Variants in DNAAF4 observed in about 807,000 individuals in gnomAD.
The protein encoded by DNAAF4 is dynein assembly factor 4, axonemal.
Under a neutral mutation model 51.8 loss-of-function variants are expected in DNAAF4, and 43 were observed. That is an observed-to-expected ratio of 0.83 (90% CI 0.65 to 1.07). The LOEUF is 1.07. Ranked by LOEUF, DNAAF4 falls within the 50% of genes least tolerant of loss-of-function variation. DNAAF4 has a pLI of 0.00. For missense variants in DNAAF4, 581 were observed against 493.0 expected, an observed-to-expected ratio of 1.18 and a Z score of -1.69; for synonymous variants, 194 against 165.6, an observed-to-expected ratio of 1.17 and a Z score of -1.32.
chr15:55,470,693 C>T (rs1737992075), intron 4 of DNAAF4, among the ~76,000 whole-genome samples: 1 of 147,004 alleles, frequency 6.8e-6, no homozygotes, highest in African/African-American at 2.5e-5. Flanking sequence ...GCACATGCCA[C>T]CAAGCCTGAC....
At chr15:55,458,144 A>AAAAG (rs1484007456) in intron 5 of DNAAF4, among the ~76,000 whole-genome samples, 1 of 152,338 alleles carries the variant, frequency 6.6e-6, no homozygotes, top group East Asian at 1.9e-4. Context: ...TAACACCCCC[A>AAAAG]AAAGATCATA....
At chr15:55,483,802 A>C (rs2058444851) in intron 4 of DNAAF4, among the ~76,000 whole-genome samples, 1 of 130,664 alleles carries the variant, frequency 7.7e-6, no homozygotes, top group Non-Finnish European at 1.5e-5. Context: ...CTGGGATTAC[A>C]GGCATGAGCC....
intron 6 of DNAAF4, among the ~76,000 whole-genome samples, chr15:55,441,360 A>T (rs1032928343): frequency 6.6e-6 from 1 of 152,056 alleles, no homozygotes; most frequent in Non-Finnish European, 1.5e-5. Context: ...GTGAGCCACC[A>T]TGCCCAGCCC....
chr15:55,456,060 G>A (rs1443574909), intron 5 of DNAAF4, among the ~76,000 whole-genome samples: 3 of 151,286 alleles, frequency 2.0e-5, no homozygotes, highest in African/African-American at 7.3e-5. Context: ...AATGACTTAT[G>A]TAAGGAAAAT....
chr15:55,505,240 A>G (rs1011918420), intron 1 of DNAAF4, among the ~76,000 whole-genome samples: 2 of 152,206 alleles, frequency 1.3e-5, no homozygotes, highest in Non-Finnish European at 2.9e-5. Flanking sequence ...ACCAGTCAGA[A>G]TGGTGATCAT....
intron 6 of DNAAF4, among the ~76,000 whole-genome samples, chr15:55,449,217 T>C (rs2057892280): frequency 6.7e-6 from 1 of 150,112 alleles, no homozygotes; most frequent in African/African-American, 2.4e-5. Context: ...CTCAAACTCC[T>C]GACCTCAGGT....
intron 4 of DNAAF4, among the ~76,000 whole-genome samples, chr15:55,473,995 A>C (rs2141534169): frequency 6.6e-6 from 1 of 152,216 alleles, no homozygotes; most frequent in Non-Finnish European, 1.5e-5. Context: ...CCGTCTCAAA[A>C]AAATAAAAAT....
chr15:55,445,568 G>C (rs562030958), intron 6 of DNAAF4, among the ~76,000 whole-genome samples: 8 of 152,078 alleles, frequency 5.3e-5, no homozygotes, highest in African/African-American at 1.7e-4. Flanking sequence ...GGAGCTGTTG[G>C]GTACACCTCC....
chr15:55,486,305 T>G (rs2058488727), intron 4 of DNAAF4, among the ~76,000 whole-genome samples: 1 of 151,530 alleles, frequency 6.6e-6, no homozygotes, highest in South Asian at 2.1e-4. Flanking sequence ...GCCATTCTCC[T>G]GCCTCAACCT....
chr15:55,480,128 G>A lies in DNAAF4; in HGVS notation c.405+10995C>T, dbSNP rs73411008. Among the ~76,000 whole-genome samples the A allele has an allele frequency of 3.2e-3, 485 of 152,050 alleles. 1 individual carries two copies. Among genetic ancestry groups the A allele is most frequent in the African/African-American group, 0.011 (457 of 41,448 alleles). Reference sequence around the variant, plus strand: ...CATATGATCTTTGTATCTACTCCCTGTTCTTACACCCCCTTTTTGAAACCC... The same window carrying A: ...CATATGATCTTTGTATCTACTCCCTATTCTTACACCCCCTTTTTGAAACCC... On this transcript the variant is annotated intron_variant, in intron 4 of 9. Coordinates refer to ENST00000321149, the MANE Select transcript of DNAAF4 (RefSeq NM_130810.4).
chr15:55,477,904 G>GAA (rs68187085), intron 4 of DNAAF4, among the ~76,000 whole-genome samples: 238 of 144,564 alleles, frequency 1.6e-3, no homozygotes, highest in Admixed American at 4.6e-3. Context: ...TGTCTCTACT[G>GAA]AAAAAAAAAA....
chr15:55,418,941 G>GTT (rs1243882949), intron 7 of DNAAF4, among the ~76,000 whole-genome samples: 46,768 of 135,992 alleles, frequency 0.34, 10,246 homozygotes, highest in Non-Finnish European at 0.46. Context: ...TTTTTTTTGA[G>GTT]TGAGTTGGAG....
downstream of DNAAF4, among the ~76,000 whole-genome samples, chr15:55,427,214 C>T (rs1056506935): frequency 1.4e-4 from 21 of 151,990 alleles, 1 homozygote; most frequent in Admixed American, 1.0e-3. Flanking sequence ...TACAGGTGCC[C>T]GCCACCACAC....
chr15:55,498,967 T>A (rs138740191), intron 1 of DNAAF4, among the ~76,000 whole-genome samples: 83 of 150,274 alleles, frequency 5.5e-4, no homozygotes, highest in African/African-American at 2.0e-3. Flanking sequence ...ACTTCCAGCC[T>A]CATAATGCGA....
At chr15:55,478,405 G>T (rs764819875) in intron 4 of DNAAF4, among the ~76,000 whole-genome samples, 1 of 152,164 alleles carries the variant, frequency 6.6e-6, no homozygotes, top group Non-Finnish European at 1.5e-5. Context: ...CACTGCCTGG[G>T]TGCTAATGGT....
In DNAAF4 at chr15:55,498,248, C is replaced by T. The variant is rs1322840672; in HGVS notation, c.82G>A (p.Val28Ile). ...FLSLPLKGVC[V>I]RDTDVFCTEN... ...GTGCAGAACACGTCCGTGTCTCTGA[C>T]GCACACGCCTTTGAGGGGCAGAGAC... Residue 28 changes from valine to isoleucine, a missense_variant, in exon 2 of 10, where the codon GTC becomes ATC. By Grantham distance (29) the Val-to-Ile change is conservative (BLOSUM62 3). Transcript: ENST00000321149. 3.1e-6 allele frequency: 5 copies of T among 1,613,878 alleles called. No homozygotes were observed. The highest frequency in any genetic ancestry group is 4.2e-6 in the Non-Finnish European group (5 of 1,179,880).
chr15:55,475,321 G>A (rs60003039), intron 4 of DNAAF4, among the ~76,000 whole-genome samples: 20,491 of 152,104 alleles, frequency 0.13, 1,918 homozygotes, highest in African/African-American at 0.27. Flanking sequence ...AACCATTTCA[G>A]GGGACTGGAA....
chr15:55,478,586 C>A (rs1260701877), intron 4 of DNAAF4, among the ~76,000 whole-genome samples: 1 of 152,330 alleles, frequency 6.6e-6, no homozygotes, highest in South Asian at 2.1e-4. Flanking sequence ...AAGTCAAACA[C>A]ACTGCTATCC....
At chr15:55,476,123 T>C (rs8037376) in intron 4 of DNAAF4, among the ~76,000 whole-genome samples, 35,763 of 152,070 alleles carry the variant, frequency 0.24, 5,317 homozygotes, top group Non-Finnish European at 0.34. Flanking sequence ...AAATGAAAAC[T>C]GAGGGAGTAT....
Sources: allele counts gnomAD v4.1 joint callset (sites outside exome capture counted in the v4.1 genomes callset), GRCh38; gene constraint gnomAD v4.1.1; transcripts MANE v1.5; gene names NCBI Gene and HGNC (gene_info 2026-07-23, HGNC 2026-07-21).